Variants in INPP4B observed in about 807,000 individuals in gnomAD.
INPP4B encodes the protein inositol polyphosphate-4-phosphatase type II B, also known as inositol polyphosphate 4-phosphatase type II.
A neutral mutation model predicts 122.5 loss-of-function variants in INPP4B; 55 were observed. That is an observed-to-expected ratio of 0.45 (90% CI 0.36 to 0.56). INPP4B has a LOEUF of 0.56. INPP4B is among the 20% of genes least tolerant of loss of function. INPP4B has a pLI of 0.00. For missense variants in INPP4B, 1,000 were observed against 1,097.7 expected (o/e 0.91, Z 1.26); for synonymous variants, 403 against 388.7 (o/e 1.04, Z -0.43).
At chr4:142,227,017 G>C (rs145824445) in intron 12 of INPP4B, among the ~76,000 whole-genome samples, 2 of 152,096 alleles carry the variant, frequency 1.3e-5, no homozygotes, top group South Asian at 4.1e-4. Flanking sequence ...AGAAACATTC[G>C]GCAGGTGGTT....
At chr4:142,790,006 G>A (rs1304961292) in intron 1 of INPP4B, among the ~76,000 whole-genome samples, 1 of 151,944 alleles carries the variant, frequency 6.6e-6, no homozygotes, top group African/African-American at 2.4e-5. Flanking sequence ...AACAAATGGT[G>A]CTGGGATAAT....
Position 142,735,924 on chromosome 4 carries a change from AACACACACACACACAC to A in INPP4B, c.-253-10039_-253-10024del, listed in dbSNP as rs33993491. On this transcript the variant is annotated intron_variant, in intron 1 of 25. Coordinates refer to ENST00000262992, the MANE Select transcript of INPP4B (RefSeq NM_001101669.3). Reference sequence around the variant, plus strand: ...TTACGTATATCATTCTATACATTGCAACACACACACACACACACACACACACACACACACACACACA... The same window carrying A: ...TTACGTATATCATTCTATACATTGCAACACACACACACACACACACACACA... Among the ~76,000 whole-genome samples, 129 of 142,730 alleles carry A rather than the reference AACACACACACACACAC, an allele frequency of 9.0e-4. 1 individual carries two copies. Among genetic ancestry groups the A allele is most frequent in the African/African-American group, 2.8e-3 (107 of 38,666 alleles). 93.6% of individuals were successfully genotyped at this position (142,730 alleles called of 152,430 possible). A position where few individuals can be genotyped will look rare whatever the true frequency, so the allele number is the denominator to read the frequency against.
chr4:142,296,915 T>C (rs1758957222), intron 9 of INPP4B, among the ~76,000 whole-genome samples: 2 of 152,226 alleles, frequency 1.3e-5, no homozygotes, highest in Admixed American at 6.5e-5. Context: ...TAATCAGTTT[T>C]ATAAGAAGAT....
At chr4:142,556,571 A>G (rs1280202725) in intron 2 of INPP4B, among the ~76,000 whole-genome samples, 1 of 152,184 alleles carries the variant, frequency 6.6e-6, no homozygotes, top group Non-Finnish European at 1.5e-5. Context: ...GTGGGCACCA[A>G]TGACCAAAAT....
Position 142,142,388 on chromosome 4 carries a change from TGTTA to T in INPP4B, c.1720+3448_1720+3451del, listed in dbSNP as rs375552039. On this transcript the variant is annotated intron_variant, in intron 18 of 25. Transcript: ENST00000262992. ...TAATCAGAAGGTTGCTTTTAGATCC[TGTTA>T]GTTAGAGTGTCTTTTGTTATAGAGA... Among the ~76,000 whole-genome samples the T allele has an allele frequency of 2.2e-3, 339 of 152,230 alleles. 2 individuals carry two copies. Among genetic ancestry groups the T allele is most frequent in the South Asian group, 0.012 (60 of 4,826 alleles).
At chr4:142,806,830 A>AGAAAGAAAGAAG (rs1778905913) in intron 1 of INPP4B, among the ~76,000 whole-genome samples, 1 of 150,048 alleles carries the variant, frequency 6.7e-6, no homozygotes, top group Non-Finnish European at 1.5e-5. Flanking sequence ...AAAGAAAGAA[A>AGAAAGAAAGAAG]GAAAGAAAGA....
At chr4:142,562,943 G>A (rs975997098) in intron 2 of INPP4B, among the ~76,000 whole-genome samples, 5 of 152,050 alleles carry the variant, frequency 3.3e-5, no homozygotes, top group East Asian at 1.9e-4. Context: ...AGGTACAGAC[G>A]TCAATAATAA....
Position 142,640,673 on chromosome 4 carries a change from C to G in INPP4B, c.-191+85166G>C, listed in dbSNP as rs572320793. Among the ~76,000 whole-genome samples, 5 of 151,636 alleles carry G rather than the reference C, an allele frequency of 3.3e-5. No homozygotes were observed. In the East Asian group the frequency reaches 9.7e-4, roughly 29 times the overall value. On this transcript the variant is annotated intron_variant, in intron 2 of 25. Transcript: ENST00000262992. ...ACATTAAGACAGTAAAGAGGCAAGT[C>G]AGAAAGCTAGATAAGACATTCGCAA... is the stretch of plus-strand genomic sequence containing the variant.
At chr4:142,802,343 A>G (rs1778106871) in intron 1 of INPP4B, among the ~76,000 whole-genome samples, 2 of 152,200 alleles carry the variant, frequency 1.3e-5, no homozygotes, top group Admixed American at 1.3e-4. Context: ...AAAAGAGAAA[A>G]CAAGTATGAA....
chr4:142,025,737 G>A lies in INPP4B; in HGVS notation c.*3045C>T, dbSNP rs1736812821. ...GCCTTCAGAGTTTTTCAGAAGAGGG[G>A]TTAGTCTTATAAAATAAGGGCTGGA... On this transcript the variant is annotated 3_prime_UTR_variant, in exon 26 of 26. Coordinates refer to ENST00000262992, the MANE Select transcript of INPP4B (RefSeq NM_001101669.3). 6.6e-6 allele frequency: 1 copy of A among 152,164 alleles called. No individual in the cohort carries two copies. Among genetic ancestry groups the A allele is most frequent in the African/African-American group, 2.4e-5 (1 of 41,438 alleles). 9.4% of individuals were successfully genotyped at this position (152,164 alleles called of 1,614,324 possible).
In INPP4B at chr4:142,744,456, A is replaced by G. The variant is rs528894948; in HGVS notation, c.-253-18555T>C. ...CTTATAGGATCCAGAATTTGAAAAA[A>G]TCCTAAAAAAGATCAAATTAAAGAA... is the stretch of plus-strand genomic sequence containing the variant. On this transcript the variant is annotated intron_variant, in intron 1 of 25. Coordinates refer to ENST00000262992, the MANE Select transcript of INPP4B (RefSeq NM_001101669.3). 7.2e-5 allele frequency among the ~76,000 whole-genome samples: 11 copies of G among 152,020 alleles called. No homozygotes were observed. The East Asian group carries it at 9.7e-4, about 13-fold the overall frequency.
At chr4:142,649,115 T>C (rs1218659461) in intron 2 of INPP4B, among the ~76,000 whole-genome samples, 1 of 152,182 alleles carries the variant, frequency 6.6e-6, no homozygotes, top group African/African-American at 2.4e-5. Flanking sequence ...TCAACAGACC[T>C]GCAGCTGAGG....
intron 9 of INPP4B, among the ~76,000 whole-genome samples, chr4:142,289,502 A>G (rs1252220130): frequency 1.3e-5 from 2 of 152,138 alleles, no homozygotes; most frequent in East Asian, 3.9e-4. Flanking sequence ...CCCAGCATCC[A>G]CAAGCTATTC....
At chr4:142,219,982 T>G (rs1489526487) in intron 12 of INPP4B, among the ~76,000 whole-genome samples, 1 of 152,214 alleles carries the variant, frequency 6.6e-6, no homozygotes, top group Non-Finnish European at 1.5e-5. Context: ...TCGTACTAGG[T>G]ATATTTCAAA....
At chr4:142,161,210 G>A (rs571442145) in intron 16 of INPP4B, among the ~76,000 whole-genome samples, 1 of 152,076 alleles carries the variant, frequency 6.6e-6, no homozygotes, top group South Asian at 2.1e-4. Context: ...AGGTTACTGT[G>A]AAACTTGGCA....
chr4:142,506,316 C>T (rs997578248), intron 2 of INPP4B, among the ~76,000 whole-genome samples: 2 of 152,168 alleles, frequency 1.3e-5, no homozygotes, highest in African/African-American at 4.8e-5. Flanking sequence ...CCACCCAGAC[C>T]TGTTGAGATA....
At position 142,208,903 on chromosome 4, in the gene INPP4B, C is replaced by T. The variant is rs2149526564; in HGVS notation, c.960G>A (p.Lys320=). The change falls in exon 13 of 26, where the codon AAG becomes AAA. Residue 320 remains lysine, a synonymous_variant. Coordinates refer to ENST00000262992, the MANE Select transcript of INPP4B (RefSeq NM_001101669.3). ...GAGAAATTGCTTCCACACCTGTTTCCTTGCTAAGTTCTGTCAGAATGTCTT... is the reference window on the plus strand; with the variant it reads ...GAGAAATTGCTTCCACACCTGTTTCTTTGCTAAGTTCTGTCAGAATGTCTT... ...MYQDILTELS[K]ETGSSFKSSS... 6.4e-7 allele frequency: 1 copy of T among 1,561,514 alleles called. No individual in the cohort carries two copies. Among genetic ancestry groups the T allele is most frequent in the Non-Finnish European group, 8.7e-7 (1 of 1,150,978 alleles).
chr4:142,128,206 A>ATGTG (rs57366796), intron 18 of INPP4B, among the ~76,000 whole-genome samples: 15,409 of 150,742 alleles, frequency 0.1, 1,031 homozygotes, highest in South Asian at 0.19. Context: ...AAATATATAT[A>ATGTG]TGTGTGTGTG....
chr4:142,621,580 G>A (rs536756351), intron 2 of INPP4B, among the ~76,000 whole-genome samples: 4 of 151,838 alleles, frequency 2.6e-5, no homozygotes, highest in African/African-American at 9.7e-5. Flanking sequence ...TTACTCAGTG[G>A]GATTTAAATT....
Sources: gnomAD v4.1 joint callset for allele counts (sites outside exome capture counted in the v4.1 genomes callset) on GRCh38, gnomAD v4.1.1 for gene constraint, MANE v1.5 for transcripts, NCBI Gene and HGNC (gene_info 2026-07-23, HGNC 2026-07-21) for gene names.